Variants in HPGD observed in about 807,000 individuals in gnomAD.
HPGD encodes 15-hydroxyprostaglandin dehydrogenase [NAD(+)].
In HPGD, 29 loss-of-function variants were observed where a neutral mutation model predicts 30.0. The ratio of observed to expected loss-of-function variants is 0.97; its 90% CI spans 0.72 to 1.32. The LOEUF is 1.32. HPGD is among the 40% of genes most tolerant of loss of function. HPGD has a pLI of 0.00. For missense variants in HPGD, 340 were observed against 322.1 expected (o/e 1.06, Z -0.43); for synonymous variants, 99 against 112.4 (o/e 0.88, Z 0.75).
At chr4:174,504,468 TGGTA>T (rs1560981096) in intron 4 of HPGD, among the ~76,000 whole-genome samples, 1 of 152,032 alleles carries the variant, frequency 6.6e-6, no homozygotes, top group Non-Finnish European at 1.5e-5. Context: ...GTAGCAGGGT[TGGTA>T]GGTAGGCTCC....
chr4:174,516,460 A>G lies in HPGD; in HGVS notation c.324+1511T>C, dbSNP rs576880446. Among the ~76,000 whole-genome samples the G allele has an allele frequency of 2.0e-5, 3 of 152,242 alleles. No individual in the cohort carries two copies. In the South Asian group the frequency reaches 6.2e-4, roughly 32 times the overall value. Reference sequence around the variant, plus strand: ...TTAAGCACATATGGATACAAAGGGGAACAATAGTCCCCAAGGTCTACTTGA... The same window carrying G: ...TTAAGCACATATGGATACAAAGGGGGACAATAGTCCCCAAGGTCTACTTGA... On this transcript the variant is annotated intron_variant, in intron 3 of 6. Coordinates refer to ENST00000296522, the MANE Select transcript of HPGD (RefSeq NM_000860.6).
chr4:174,504,237 G>A (rs1735059385), intron 4 of HPGD, among the ~76,000 whole-genome samples: 1 of 152,010 alleles, frequency 6.6e-6, no homozygotes, highest in Admixed American at 6.6e-5. Flanking sequence ...CAAATTATGA[G>A]CTAATTATAT....
intron 4 of HPGD, among the ~76,000 whole-genome samples, chr4:174,502,504 C>T (rs1339444778): frequency 6.6e-6 from 1 of 151,976 alleles, no homozygotes; most frequent in Admixed American, 6.5e-5. Flanking sequence ...CGGTGAAACC[C>T]CGTCTCTACT....
intron 4 of HPGD, among the ~76,000 whole-genome samples, chr4:174,506,021 A>T (rs1735168620): frequency 6.6e-6 from 1 of 152,228 alleles, no homozygotes; most frequent in Non-Finnish European, 1.5e-5. Flanking sequence ...TTTTATCTGC[A>T]TGAATAGAGA....
Position 174,504,099 on chromosome 4 carries a change from G to A in HPGD, c.421+4597C>T, listed in dbSNP as rs542300332. On this transcript the variant is annotated intron_variant, in intron 4 of 6. Coordinates refer to ENST00000296522, the MANE Select transcript of HPGD (RefSeq NM_000860.6). ...TCTTGATAAGAGACACTGATATACA[G>A]CTCTTGGGGTAGAAACTTTGCCTAG... Among the ~76,000 whole-genome samples, 19 of 152,252 alleles carry A rather than the reference G, an allele frequency of 1.2e-4. 1 individual carries two copies. In the East Asian group the frequency reaches 2.9e-3, roughly 23 times the overall value.
At chr4:174,499,078 C>T (rs1199180776) in intron 4 of HPGD, among the ~76,000 whole-genome samples, 1 of 152,130 alleles carries the variant, frequency 6.6e-6, no homozygotes, top group African/African-American at 2.4e-5. Flanking sequence ...GCCCACAACA[C>T]CAACATAGAA....
At chr4:174,522,682 G>A (rs1736228725), upstream of HPGD, 4 of 465,360 alleles carry the variant, frequency 8.6e-6, no homozygotes, top group South Asian at 8.0e-5. Flanking sequence ...CGGACTCGCA[G>A]ACCGGCTCAA....
chr4:174,518,007 A>G lies in HPGD; in HGVS notation c.288T>C (p.Asn96=). 17 of 1,604,644 alleles carry G rather than the reference A, an allele frequency of 1.1e-5. No homozygotes were observed. The highest frequency in any genetic ancestry group is 1.4e-5 in the Non-Finnish European group (16 of 1,171,644). ...GCAGAGTTTTTTCCCAGTTTTTCTC[A>G]TTATTCACTCCAGCATTATTGACCA... ...DILVNNAGVN[N]EKNWEKTLQI... Residue 96 remains asparagine (N), a synonymous_variant, in exon 3 of 7, where the codon AAT becomes AAC. Transcript: ENST00000296522.
chr4:174,520,773 A>G (rs1313542846), intron 2 of HPGD, among the ~76,000 whole-genome samples: 1 of 152,196 alleles, frequency 6.6e-6, no homozygotes, highest in African/African-American at 2.4e-5. Flanking sequence ...TCTATCCTTG[A>G]TCCAAAATAT....
At position 174,496,245 on chromosome 4, in the gene HPGD, G is replaced by T. The variant is rs1734588516; in HGVS notation, c.422-621C>A. On this transcript the variant is annotated intron_variant, in intron 4 of 6. Coordinates refer to ENST00000296522, the MANE Select transcript of HPGD (RefSeq NM_000860.6). This position sits in a 1 kb window ranked among gnomAD's most constrained non-coding sequence, Gnocchi z 4.6. ...AGGAAGATAGAAATAAACATTTGTG[G>T]TCCTATTTTATTTCCTTTCATAATT... Among the ~76,000 whole-genome samples the T allele has an allele frequency of 1.3e-5, 2 of 152,130 alleles. No homozygotes were observed. The highest frequency in any genetic ancestry group is 4.1e-4 in the South Asian group (2 of 4,830).
At position 174,491,854 on chromosome 4, in the gene HPGD, T is replaced by C; in HGVS notation, c.*102A>G. On this transcript the variant is annotated 3_prime_UTR_variant, in exon 7 of 7. Transcript: ENST00000296522. Reference sequence around the variant, plus strand: ...ATCACCAAGTGCATGAAGGAAAACTTCAAACTGTAACATTTCATTTAAAAG... The same window carrying C: ...ATCACCAAGTGCATGAAGGAAAACTCCAAACTGTAACATTTCATTTAAAAG... The C allele has an allele frequency of 8.6e-7, 1 of 1,164,750 alleles. No homozygotes were observed. The highest frequency in any genetic ancestry group is 1.3e-6 in the Non-Finnish European group (1 of 781,978). The allele number at this position is 1,164,750 out of a possible 1,614,324, so 72.2% of individuals were successfully genotyped here. A position where few individuals can be genotyped will look rare whatever the true frequency, so the allele number is the denominator to read the frequency against.
chr4:174,510,034 T>A (rs1735399943), intron 3 of HPGD, among the ~76,000 whole-genome samples: 1 of 152,244 alleles, frequency 6.6e-6, no homozygotes, highest in Non-Finnish European at 1.5e-5. Context: ...AAAATTCTTT[T>A]TTGACATCTT....
chr4:174,522,546 G>A (rs1162787482), upstream of HPGD: 21 of 871,728 alleles, frequency 2.4e-5, no homozygotes, highest in South Asian at 4.0e-5. Flanking sequence ...CGTGCAGCCC[G>A]GCGGGGCGCT....
intron 2 of HPGD, 33 bp from the exon 3 acceptor site, chr4:174,518,110 C>G (rs756567731): frequency 9.7e-7 from 1 of 1,031,708 alleles, no homozygotes; most frequent in Non-Finnish European, 1.5e-6. Flanking sequence ...GTGATACATT[C>G]TTATTTTCCA....
chr4:174,519,216 G>A (rs1296242929), intron 2 of HPGD, among the ~76,000 whole-genome samples: 1 of 127,116 alleles, frequency 7.9e-6, no homozygotes, highest in Non-Finnish European at 1.6e-5. Flanking sequence ...TATTTTTCAT[G>A]GATTTTTTTT....
chr4:174,502,534 C>T (rs775756930), intron 4 of HPGD, among the ~76,000 whole-genome samples: 42 of 152,040 alleles, frequency 2.8e-4, no homozygotes, highest in Non-Finnish European at 4.7e-4. Flanking sequence ...AAAAATTAGC[C>T]AGGCGTGGTG....
chr4:174,510,506 C>A, intron 3 of HPGD, among the ~76,000 whole-genome samples: 1 of 152,210 alleles, frequency 6.6e-6, no homozygotes, highest in Non-Finnish European at 1.5e-5. Context: ...TTTGCTGACA[C>A]CCCACTGTTG....
Position 174,496,980 on chromosome 4 carries a change from G to T in HPGD, c.422-1356C>A, listed in dbSNP as rs1388053030. On this transcript the variant is annotated intron_variant, in intron 4 of 6. Transcript: ENST00000296522. The surrounding 1 kb of genome is among the most constrained non-coding windows in gnomAD (Gnocchi z 4.6). Reference sequence around the variant, plus strand: ...TAAAATGTGTAAGTTAATTAAGTTTGTCAGTGTCAGTCAACAAGAATTTAT... The same window carrying T: ...TAAAATGTGTAAGTTAATTAAGTTTTTCAGTGTCAGTCAACAAGAATTTAT... Among the ~76,000 whole-genome samples, 1 of 152,338 alleles carries T rather than the reference G, an allele frequency of 6.6e-6. No homozygotes were observed. Among genetic ancestry groups the T allele is most frequent in the African/African-American group, 2.4e-5 (1 of 41,576 alleles).
intron 4 of HPGD, chr4:174,507,049 C>T (rs1237175335): frequency 6.6e-6 from 1 of 152,072 alleles, no homozygotes; most frequent in Non-Finnish European, 1.5e-5. Flanking sequence ...TTTAATTCTC[C>T]AGTCACTTGT....
Sources: gnomAD v4.1 joint callset for allele counts (sites outside exome capture counted in the v4.1 genomes callset) on GRCh38, gnomAD v4.1.1 for gene constraint, Gnocchi (gnomAD v3.1) non-coding constraint, MANE v1.5 for transcripts, NCBI Gene and HGNC (gene_info 2026-07-23, HGNC 2026-07-21) for gene names.